The following TACR1 variants were observed in gnomAD, a reference collection of about 807,000 sequenced individuals.
TACR1 encodes substance-P receptor.
In TACR1, 25 loss-of-function variants were observed where a neutral mutation model predicts 35.8. The observed-to-expected ratio is 0.70, with a 90% confidence interval of 0.51 to 0.98. The LOEUF is 0.98. Among genes scored for constraint, TACR1 ranks in the 50% least tolerant of loss-of-function variants. The pLI is 0.00. For missense variants in TACR1, 478 were observed against 522.9 expected, an observed-to-expected ratio of 0.91 and a Z score of 0.84; for synonymous variants, 195 against 206.7, an observed-to-expected ratio of 0.94 and a Z score of 0.48.
chr2:75,112,439 T>C (rs959244224), intron 2 of TACR1, among the ~76,000 whole-genome samples: 3 of 152,254 alleles, frequency 2.0e-5, no homozygotes, highest in African/African-American at 7.2e-5. Context: ...TTAGGAATTA[T>C]ATAAAGATAG....
At chr2:75,184,562 G>T (rs770047471) in intron 1 of TACR1, among the ~76,000 whole-genome samples, 16 of 151,550 alleles carry the variant, frequency 1.1e-4, no homozygotes, top group South Asian at 2.1e-4. Context: ...AACTTCAACT[G>T]AATTACAGGA....
At chr2:75,112,167 C>T (rs771664549) in intron 2 of TACR1, among the ~76,000 whole-genome samples, 1 of 151,730 alleles carries the variant, frequency 6.6e-6, no homozygotes, top group African/African-American at 2.4e-5. Context: ...AAATTTTATA[C>T]GTTTGAGTTT....
intron 2 of TACR1, among the ~76,000 whole-genome samples, chr2:75,102,928 ATTGT>A (rs995389760): frequency 2.0e-5 from 3 of 152,154 alleles, no homozygotes; most frequent in Non-Finnish European, 2.9e-5. Context: ...ACAGTAAATC[ATTGT>A]TTGTGGACCA....
At chr2:75,160,247 GA>G (rs59644017) in intron 1 of TACR1, among the ~76,000 whole-genome samples, 1 of 149,870 alleles carries the variant, frequency 6.7e-6, no homozygotes, top group African/African-American at 2.5e-5. Flanking sequence ...TGAGTAAATA[GA>G]AAAAAAAATG....
At chr2:75,133,755 C>T (rs188106256) in intron 1 of TACR1, among the ~76,000 whole-genome samples, 89 of 152,268 alleles carry the variant, frequency 5.8e-4, no homozygotes, top group Middle Eastern at 3.4e-3. Context: ...CAGAGTAACT[C>T]CATCTTGAAT....
chr2:75,051,203 T>TA, intron 4 of TACR1, 48 bp downstream of exon 4: 1 of 1,613,424 alleles, frequency 6.2e-7, no homozygotes, highest in Non-Finnish European at 8.5e-7. Context: ...ACTGTGTATG[T>TA]AGATGGTCTT....
chr2:75,071,750 C>T (rs1452942930), intron 2 of TACR1, among the ~76,000 whole-genome samples: 2 of 152,228 alleles, frequency 1.3e-5, no homozygotes, highest in South Asian at 4.1e-4. Flanking sequence ...TAATTCCCAA[C>T]CTTAATTCTT....
chr2:75,112,383 C>T (rs764181627), intron 2 of TACR1, among the ~76,000 whole-genome samples: 1 of 151,934 alleles, frequency 6.6e-6, no homozygotes, highest in Non-Finnish European at 1.5e-5. Context: ...CTTTATCAAA[C>T]TGCCTAAACG....
At chr2:75,054,258 A>T (rs1672530974) in intron 2 of TACR1, among the ~76,000 whole-genome samples, 1 of 152,242 alleles carries the variant, frequency 6.6e-6, no homozygotes, top group African/African-American at 2.4e-5. Flanking sequence ...TAGTACGTTC[A>T]GTTGAGAACT....
intron 2 of TACR1, among the ~76,000 whole-genome samples, chr2:75,082,919 C>G (rs1673119073): frequency 6.6e-6 from 1 of 152,092 alleles, no homozygotes. Flanking sequence ...TGCAGAAGCT[C>G]TTTAGTTTAA....
At chr2:75,085,473 G>T (rs1673172980) in intron 2 of TACR1, among the ~76,000 whole-genome samples, 1 of 152,208 alleles carries the variant, frequency 6.6e-6, no homozygotes, top group Admixed American at 6.5e-5. Flanking sequence ...CGCACTGGAG[G>T]AAGTAGTTAC....
intron 2 of TACR1, among the ~76,000 whole-genome samples, chr2:75,096,669 T>C (rs1018059430): frequency 1.4e-4 from 21 of 152,198 alleles, no homozygotes; most frequent in Admixed American, 1.4e-3. Flanking sequence ...GTAAAACTGG[T>C]TCAGCTGGGG....
Position 75,046,846 on chromosome 2 carries a change from A to C in TACR1, c.*2586T>G, listed in dbSNP as rs750821981. ...CACAGTGACAGCAATGAGATCTCAC[A>C]TTTTGGAAGTCACGTAACAAAGATG... On this transcript the variant is annotated 3_prime_UTR_variant, in exon 5 of 5. Coordinates refer to ENST00000305249, the MANE Select transcript of TACR1 (RefSeq NM_001058.4). 1 of 152,198 alleles carries C rather than the reference A, an allele frequency of 6.6e-6. No individual in the cohort carries two copies. Among genetic ancestry groups the C allele is most frequent in the Non-Finnish European group, 1.5e-5 (1 of 68,032 alleles). The allele number at this position is 152,198 out of a possible 1,614,324, so 9.4% of individuals were successfully genotyped here.
intron 2 of TACR1, among the ~76,000 whole-genome samples, chr2:75,089,095 C>T (rs1024109636): frequency 2.0e-5 from 3 of 152,194 alleles, no homozygotes; most frequent in Non-Finnish European, 4.4e-5. Context: ...TATGTGCTGC[C>T]CTTTGGCCTA....
At chr2:75,139,902 C>A (rs1263782363) in intron 1 of TACR1, among the ~76,000 whole-genome samples, 1 of 152,154 alleles carries the variant, frequency 6.6e-6, no homozygotes, top group East Asian at 1.9e-4. Context: ...TGGTCAGCCT[C>A]TTTAGCAAAA....
intron 1 of TACR1, among the ~76,000 whole-genome samples, chr2:75,171,257 G>A (rs1353953607): frequency 1.3e-5 from 2 of 152,184 alleles, no homozygotes; most frequent in African/African-American, 4.8e-5. Flanking sequence ...TGCTTCAGAG[G>A]GTGCAAGCCC....
intron 2 of TACR1, among the ~76,000 whole-genome samples, chr2:75,083,673 A>G (rs1247276521): frequency 6.6e-6 from 1 of 152,062 alleles, no homozygotes; most frequent in African/African-American, 2.4e-5. Context: ...TAGGTATTTT[A>G]TTCTCTTTGA....
At position 75,196,616 on chromosome 2, in the gene TACR1, G is replaced by A. The variant is rs564810457; in HGVS notation, c.389+1930C>T. On this transcript the variant is annotated intron_variant, in intron 1 of 4. Transcript: ENST00000305249. ...AAAAACAACAACGGAGCTGAAATCTGGCTCCCTGCCCAATCCACTGTGCGG... is the reference window on the plus strand; with the variant it reads ...AAAAACAACAACGGAGCTGAAATCTAGCTCCCTGCCCAATCCACTGTGCGG... Among the ~76,000 whole-genome samples, 7 of 152,200 alleles carry A rather than the reference G, an allele frequency of 4.6e-5. No homozygotes were observed. The East Asian group carries it at 1.4e-3, about 29-fold the overall frequency.
chr2:75,121,691 ATAT>A, intron 1 of TACR1, among the ~76,000 whole-genome samples: 1 of 152,360 alleles, frequency 6.6e-6, no homozygotes, highest in Middle Eastern at 3.4e-3. Flanking sequence ...CTCTCTCTGC[ATAT>A]TTTTCTTGCA....
Sources: allele counts gnomAD v4.1 joint callset (sites outside exome capture counted in the v4.1 genomes callset), GRCh38; gene constraint gnomAD v4.1.1; transcripts MANE v1.5; gene names NCBI Gene and HGNC (gene_info 2026-07-23, HGNC 2026-07-21).